The following INSL6 variants were observed in gnomAD, a reference collection of about 807,000 sequenced individuals.
INSL6 encodes insulin-like peptide INSL6.
INSL6 carries 16 observed loss-of-function variants against 9.4 expected under a neutral mutation model. That is an observed-to-expected ratio of 1.70 (90% CI 1.15 to 2.59). The LOEUF is 2.59. Among genes scored for constraint, INSL6 ranks in the 30% most tolerant of loss-of-function variants. INSL6 has a pLI of 0.00. For missense variants in INSL6, 391 were observed against 257.3 expected (o/e 1.52, Z -3.56); for synonymous variants, 154 against 96.9 (o/e 1.59, Z -3.46).
the INSL6 span, chr9:5,050,764 G>T: frequency 6.2e-7 from 1 of 1,613,096 alleles, no homozygotes; most frequent in Non-Finnish European, 8.5e-7. Context: ...TGGGATGGCA[G>T]TGTTAGATAT....
chr9:5,041,719 G>C, the INSL6 span: 1 of 499,842 alleles, frequency 2.0e-6, no homozygotes. Flanking sequence ...GAGTACGAGG[G>C]GCTCGGGAAG....
At chr9:5,035,472 C>G in the INSL6 span, among the ~76,000 whole-genome samples, 1 of 152,126 alleles carries the variant, frequency 6.6e-6, no homozygotes, top group Non-Finnish European at 1.5e-5. Context: ...AACATTGATG[C>G]AAAAATCCTC....
At chr9:5,019,160 A>G in the INSL6 span, among the ~76,000 whole-genome samples, 1 of 151,898 alleles carries the variant, frequency 6.6e-6, no homozygotes, top group Non-Finnish European at 1.5e-5. Context: ...TTCCTTTTGT[A>G]TTTTCATTGT....
chr9:5,057,803 G>C, the INSL6 span, among the ~76,000 whole-genome samples: 10 of 151,810 alleles, frequency 6.6e-5, no homozygotes, highest in African/African-American at 2.4e-4. Flanking sequence ...GGTTGGTCTT[G>C]AAGTCCTGAC....
intron 2 of INSL6, among the ~76,000 whole-genome samples, chr9:5,141,516 G>C (rs1302315684): frequency 6.6e-6 from 1 of 152,132 alleles, no homozygotes; most frequent in African/African-American, 2.4e-5. Flanking sequence ...AAAAGTGTCT[G>C]TTCATGTCCT....
intron 1 of INSL6, among the ~76,000 whole-genome samples, chr9:5,165,091 A>G (rs1248053528): frequency 6.6e-6 from 1 of 152,204 alleles, no homozygotes; most frequent in Non-Finnish European, 1.5e-5. Flanking sequence ...CACGCCTGTA[A>G]TACCAGCTAC....
At chr9:5,112,528 G>T in the INSL6 span, 2 of 589,776 alleles carry the variant, frequency 3.4e-6, no homozygotes, top group Non-Finnish European at 6.1e-6. Context: ...AGAGCAGAAG[G>T]CCGAGTGGGA....
the INSL6 span, among the ~76,000 whole-genome samples, chr9:5,010,129 T>C: frequency 1.3e-5 from 2 of 152,232 alleles, no homozygotes; most frequent in Non-Finnish European, 2.9e-5. Context: ...TCCTATCTAC[T>C]TTTGATCTTC....
chr9:4,995,794 C>T, the INSL6 span, among the ~76,000 whole-genome samples: 4 of 152,130 alleles, frequency 2.6e-5, no homozygotes, highest in African/African-American at 4.8e-5. Flanking sequence ...ATTTAATTCT[C>T]TATTTCTGAT....
chr9:5,110,786 G>T, the INSL6 span: 1 of 402,786 alleles, frequency 2.5e-6, no homozygotes, highest in Non-Finnish European at 4.8e-6. Context: ...GTAAGGGCCC[G>T]GGCCACGCGC....
At chr9:5,090,637 T>A in the INSL6 span, 1 of 1,528,388 alleles carries the variant, frequency 6.5e-7, no homozygotes, top group East Asian at 2.3e-5. Flanking sequence ...TAGGAAATCA[T>A]CTAGACGTTT....
intron 2 of INSL6, among the ~76,000 whole-genome samples, chr9:5,141,476 C>G (rs12352285): frequency 0.37 from 56,317 of 151,976 alleles, 11,528 homozygotes; most frequent in African/African-American, 0.56. Context: ...TTTTTTCATA[C>G]GATTGTTGGC....
intron 3 of INSL6, chr9:5,126,089 G>A (rs185273353): frequency 3.1e-6 from 1 of 327,768 alleles, no homozygotes; most frequent in African/African-American, 2.1e-5. Flanking sequence ...TTTAGTTCAT[G>A]TGTTTTGAGC....
the INSL6 span, among the ~76,000 whole-genome samples, chr9:5,003,559 A>G: frequency 6.6e-6 from 1 of 152,040 alleles, no homozygotes; most frequent in Non-Finnish European, 1.5e-5. Flanking sequence ...ATTTTTATAT[A>G]TTGGTCTTGC....
At chr9:5,028,329 G>A in the INSL6 span, among the ~76,000 whole-genome samples, 17 of 152,106 alleles carry the variant, frequency 1.1e-4, no homozygotes, top group Admixed American at 9.8e-4. Flanking sequence ...AGGTCTCAAC[G>A]GTGGCTTAAA....
chr9:5,109,725 A>G, the INSL6 span: 1 of 152,180 alleles, frequency 6.6e-6, no homozygotes, highest in Non-Finnish European at 1.5e-5. Context: ...ACTAAGCTTT[A>G]GACTACTTCT....
At chr9:5,115,304 G>A in the INSL6 span, among the ~76,000 whole-genome samples, 1 of 152,088 alleles carries the variant, frequency 6.6e-6, no homozygotes, top group South Asian at 2.1e-4. Context: ...ACAAACATAT[G>A]AAAAAAAGCT....
intron 2 of INSL6, among the ~76,000 whole-genome samples, chr9:5,138,944 G>A (rs1824437604): frequency 6.6e-6 from 1 of 151,946 alleles, no homozygotes; most frequent in Non-Finnish European, 1.5e-5. Context: ...AAAAGCAGGA[G>A]ATTTTAACAA....
At chr9:5,166,075 C>G (rs373005511) in intron 1 of INSL6, among the ~76,000 whole-genome samples, 1 of 151,984 alleles carries the variant, frequency 6.6e-6, no homozygotes, top group Non-Finnish European at 1.5e-5. Context: ...TAAGAAGTAA[C>G]GAGAAAAAGA....
Sources: allele counts gnomAD v4.1 joint callset (sites outside exome capture counted in the v4.1 genomes callset), GRCh38; gene constraint gnomAD v4.1.1; transcripts MANE v1.5; gene names NCBI Gene and HGNC (gene_info 2026-07-23, HGNC 2026-07-21).